NAALADL2: variants seen among roughly 807,000 people sequenced by gnomAD.
The protein encoded by NAALADL2 is inactive N-acetylated-alpha-linked acidic dipeptidase-like protein 2.
Under a neutral mutation model 87.2 loss-of-function variants are expected in NAALADL2, and 76 were observed. The ratio of observed to expected loss-of-function variants is 0.87; its 90% CI spans 0.72 to 1.05. The LOEUF (loss-of-function observed/expected upper bound fraction) is 1.05, where lower values mean the gene tolerates loss of function less well. Ranked by LOEUF, NAALADL2 falls within the 50% of genes least tolerant of loss-of-function variation. The pLI, the probability that NAALADL2 is intolerant of heterozygous loss-of-function variation, is 0.00. For synonymous variants in NAALADL2, 354 were observed against 331.0 expected (o/e 1.07, Z -0.75); for missense variants, 1,089 against 945.8 (o/e 1.15, Z -1.99).
chr3:174,558,431 A>C (rs955732290), intron 2 of NAALADL2, among the ~76,000 whole-genome samples: 1 of 152,072 alleles, frequency 6.6e-6, no homozygotes, highest in Non-Finnish European at 1.5e-5. Flanking sequence ...TTTACAACTC[A>C]TCATAATGTA....
intron 5 of NAALADL2, among the ~76,000 whole-genome samples, chr3:175,335,086 G>C (rs1347803588): frequency 6.6e-6 from 1 of 152,068 alleles, no homozygotes; most frequent in Admixed American, 6.6e-5. Context: ...GACAGGATGG[G>C]GCATCACAGT....
intron 8 of NAALADL2, 142 bp from the exon 9 acceptor site, chr3:175,471,497 G>T: frequency 1.6e-5 from 8 of 512,032 alleles, no homozygotes; most frequent in South Asian, 2.3e-5. Context: ...AAGAAAGAAA[G>T]AAAGAAAAAA....
At chr3:175,600,517 G>A (rs938432466) in intron 10 of NAALADL2, among the ~76,000 whole-genome samples, 43 of 89,878 alleles carry the variant, frequency 4.8e-4, no homozygotes, top group Non-Finnish European at 6.3e-4. Context: ...CCACAAATGT[G>A]TCTTAGTCTT....
At chr3:175,673,771 G>T (rs990333633) in intron 11 of NAALADL2, among the ~76,000 whole-genome samples, 1 of 151,186 alleles carries the variant, frequency 6.6e-6, no homozygotes, top group South Asian at 2.1e-4. Context: ...TCAACCCAAA[G>T]GAATATAAAG....
chr3:175,357,054 AC>A (rs556275486), intron 5 of NAALADL2, among the ~76,000 whole-genome samples: 10 of 151,962 alleles, frequency 6.6e-5, no homozygotes, highest in Non-Finnish European at 1.2e-4. Flanking sequence ...ATTTATCTTA[AC>A]TCTCAGTGAG....
intron 5 of NAALADL2, among the ~76,000 whole-genome samples, chr3:175,330,222 G>A (rs1441977310): frequency 6.6e-6 from 1 of 152,086 alleles, no homozygotes; most frequent in Non-Finnish European, 1.5e-5. Flanking sequence ...TTGAAACAAC[G>A]ATATGATTAG....
intron 4 of NAALADL2, among the ~76,000 whole-genome samples, chr3:175,275,840 TATA>T (rs1197616817): frequency 6.7e-6 from 1 of 150,364 alleles, no homozygotes; most frequent in African/African-American, 2.4e-5. Context: ...TTATTATTAA[TATA>T]ATAATTATAA....
intron 1 of NAALADL2, among the ~76,000 whole-genome samples, chr3:174,512,540 C>T (rs1269767540): frequency 2.6e-5 from 4 of 152,144 alleles, no homozygotes; most frequent in Non-Finnish European, 4.4e-5. Context: ...TCTACTCACA[C>T]GTCGGCAGAT....
intron 5 of NAALADL2, among the ~76,000 whole-genome samples, chr3:175,417,467 T>C (rs1714850627): frequency 6.6e-6 from 1 of 152,094 alleles, no homozygotes. Flanking sequence ...TTTTTAAAAC[T>C]ATTTTTGTTA....
At chr3:174,935,713 A>G (rs146678927) in intron 1 of NAALADL2, among the ~76,000 whole-genome samples, 24 of 152,268 alleles carry the variant, frequency 1.6e-4, no homozygotes, top group African/African-American at 5.8e-4. Flanking sequence ...GCCTTGTATA[A>G]TAAATTTCTT....
intron 1 of NAALADL2, among the ~76,000 whole-genome samples, chr3:174,905,010 A>G (rs1732804759): frequency 6.6e-6 from 1 of 151,868 alleles, no homozygotes; most frequent in Admixed American, 6.6e-5. Flanking sequence ...AAGCTGTCAC[A>G]TAATTAGTAA....
chr3:175,391,493 G>A (rs180854012), intron 5 of NAALADL2, among the ~76,000 whole-genome samples: 40 of 152,276 alleles, frequency 2.6e-4, no homozygotes, highest in Non-Finnish European at 4.7e-4. Context: ...GGAACTGAGA[G>A]AGGCCTCAAG....
intron 2 of NAALADL2, chr3:175,115,132 T>A (rs561519851): frequency 9.8e-4 from 148 of 151,778 alleles, no homozygotes; most frequent in African/African-American, 3.4e-3. Flanking sequence ...CATATTAGAC[T>A]TATATTTTCA....
chr3:175,619,085 A>C (rs532640709), intron 10 of NAALADL2, among the ~76,000 whole-genome samples: 1 of 152,220 alleles, frequency 6.6e-6, no homozygotes, highest in Non-Finnish European at 1.5e-5. Context: ...GGAGCCATTA[A>C]ATTTGTGCCA....
intron 10 of NAALADL2, among the ~76,000 whole-genome samples, chr3:175,591,849 A>G (rs1415360874): frequency 6.7e-6 from 1 of 149,094 alleles, no homozygotes; most frequent in South Asian, 2.1e-4. Flanking sequence ...CTTTATATAT[A>G]TAACATTGTC....
chr3:175,742,636 A>G (rs529318764), intron 12 of NAALADL2, among the ~76,000 whole-genome samples: 2 of 152,214 alleles, frequency 1.3e-5, no homozygotes, highest in East Asian at 3.9e-4. Flanking sequence ...TGACCCCATG[A>G]TCCGCCCGCC....
Position 174,901,080 on chromosome 3 carries a change from TTTTA to T in NAALADL2, c.43+41639_43+41642del, listed in dbSNP as rs201231579. Among the ~76,000 whole-genome samples the T allele has an allele frequency of 8.6e-3, 1,304 of 152,290 alleles. 6 individuals carry two copies. The highest frequency in any genetic ancestry group is 0.014 in the Admixed American group (209 of 15,296). ...TGATAAAATTAAACTAATTTGACCA[TTTTA>T]TTTATTTAAATCTATGATTCCATGC... On this transcript the variant is annotated intron_variant, in intron 1 of 13. Coordinates refer to ENST00000454872, the MANE Select transcript of NAALADL2 (RefSeq NM_207015.3).
intron 9 of NAALADL2, among the ~76,000 whole-genome samples, chr3:175,492,725 G>A (rs9870750): frequency 0.51 from 77,560 of 151,882 alleles, 21,729 homozygotes; most frequent in East Asian, 0.64. Context: ...TCATCTATAC[G>A]TAAACATCTG....
At chr3:175,236,737 C>A (rs1485645369) in intron 3 of NAALADL2, among the ~76,000 whole-genome samples, 3 of 152,078 alleles carry the variant, frequency 2.0e-5, no homozygotes, top group African/African-American at 7.2e-5. Context: ...CACTATTGGG[C>A]AAATCCACTT....
Sources: allele counts gnomAD v4.1 joint callset (sites outside exome capture counted in the v4.1 genomes callset), GRCh38; gene constraint gnomAD v4.1.1; transcripts MANE v1.5; gene names NCBI Gene and HGNC (gene_info 2026-07-23, HGNC 2026-07-21).